Variants in KCNH4 observed in about 807,000 individuals in gnomAD.
KCNH4 encodes the protein voltage-gated delayed rectifier potassium channel KCNH4.
A neutral mutation model predicts 90.7 loss-of-function variants in KCNH4; 33 were observed. The ratio of observed to expected loss-of-function variants is 0.36; its 90% CI spans 0.28 to 0.49. KCNH4 has a LOEUF of 0.49. KCNH4 is among the 20% of genes least tolerant of loss of function. The pLI is 0.98. For missense variants in KCNH4, 1,044 were observed against 1,387.1 expected (o/e 0.75, Z 3.93); for synonymous variants, 551 against 581.7 (o/e 0.95, Z 0.76).
chr17:42,160,847 C>A (rs1391889729), intron 15 of KCNH4, among the ~76,000 whole-genome samples: 2 of 152,048 alleles, frequency 1.3e-5, no homozygotes, highest in Non-Finnish European at 2.9e-5. Context: ...GGGCTCCGCC[C>A]CAGACATTCC....
At chr17:42,158,943 C>T (rs1438228888) in intron 16 of KCNH4, among the ~76,000 whole-genome samples, 21 of 152,016 alleles carry the variant, frequency 1.4e-4, no homozygotes, top group Non-Finnish European at 1.5e-5. Flanking sequence ...CTCGGCCTCC[C>T]AAAGGGCTGG....
chr17:42,160,657 G>A (rs191657650), intron 15 of KCNH4, among the ~76,000 whole-genome samples: 4 of 152,084 alleles, frequency 2.6e-5, no homozygotes, highest in African/African-American at 9.7e-5. Flanking sequence ...ACACACACAC[G>A]CGCGCGCGAG....
rs985286769 is a variant in KCNH4, at chr17:42,172,035, C to T, written c.988-40G>A. 3.3e-6 allele frequency: 5 copies of T among 1,526,670 alleles called. No individual in the cohort carries two copies. The African/African-American group carries it at 6.9e-5, about 21-fold the overall frequency. The allele number at this position is 1,526,670 out of a possible 1,614,324, so 94.6% of individuals were successfully genotyped here. A position where few individuals can be genotyped will look rare whatever the true frequency, so the allele number is the denominator to read the frequency against. On this transcript the variant is annotated intron_variant, in intron 6 of 16. Transcript: ENST00000264661. Reference sequence around the variant, plus strand: ...CGGGGGAGGCTGTCAGCAGGCACACCTCCTCCGAGCCCTCAGAGTCCCCTC... The same window carrying T: ...CGGGGGAGGCTGTCAGCAGGCACACTTCCTCCGAGCCCTCAGAGTCCCCTC...
At chr17:42,175,793 C>T in intron 5 of KCNH4, 57 bp from the exon 6 acceptor site, 1 of 1,596,864 alleles carries the variant, frequency 6.3e-7, no homozygotes, top group Non-Finnish European at 8.6e-7. Flanking sequence ...AAGAAACCGA[C>T]AAAGCTGGGA....
Position 42,162,228 on chromosome 17 carries a change from C to T in KCNH4, c.2658+20G>A. The T allele has an allele frequency of 6.2e-7, 1 of 1,612,392 alleles. No individual in the cohort carries two copies. Among genetic ancestry groups the T allele is most frequent in the African/African-American group, 1.3e-5 (1 of 74,962 alleles). On this transcript the variant is annotated intron_variant, in intron 15 of 16. Coordinates refer to ENST00000264661, the MANE Select transcript of KCNH4 (RefSeq NM_012285.3). ...AAATGCTGTTATATCAGGCACGTCTCTGAGCCAGCCCCAACCCACCTCCTG... is the reference window on the plus strand; with the variant it reads ...AAATGCTGTTATATCAGGCACGTCTTTGAGCCAGCCCCAACCCACCTCCTG...
intron 5 of KCNH4, 34 bp downstream of exon 5, chr17:42,176,020 G>T: frequency 6.4e-7 from 1 of 1,563,836 alleles, no homozygotes; most frequent in South Asian, 1.2e-5. Context: ...CCCCCCAGCC[G>T]ACCCACCAGG....
rs1489621432 is a variant in KCNH4 at position 42,178,357 on chromosome 17, T to C, written c.431A>G (p.Gln144Arg). ...GTGATTACTGTCCCCGCGGCCTCCT[T>C]GGGGGCCAAGTCCTGGGCTTCCACT... ...TQSGSPGLGP[Q>R]GGRGDSNHEN... Residue 144 changes from glutamine to arginine, a missense_variant, in exon 3 of 17, where the codon CAA (glutamine) becomes CGA (arginine). Gln to Arg is a conservative substitution (Grantham distance 43, BLOSUM62 1). Around this residue, in one of 4 missense-constraint regions of KCNH4, gnomAD observed 283 missense variants for 378.6 expected, o/e 0.75. Transcript: ENST00000264661. 13 of 1,614,212 alleles carry C rather than the reference T, an allele frequency of 8.1e-6. No individual in the cohort carries two copies. Among genetic ancestry groups the C allele is most frequent in the Admixed American group, 1.7e-5 (1 of 60,018 alleles).
intron 14 of KCNH4, 40 bp from the exon 15 acceptor site, chr17:42,162,361 A>G: frequency 6.4e-7 from 1 of 1,560,862 alleles, no homozygotes. Context: ...ATGGAGCATT[A>G]ATACCTGAGC....
chr17:42,172,439 T>C, intron 6 of KCNH4, among the ~76,000 whole-genome samples: 1 of 151,860 alleles, frequency 6.6e-6, no homozygotes, highest in East Asian at 1.9e-4. Context: ...CCCAAAGTGC[T>C]GGGATTACAA....
chr17:42,165,752 G>A, intron 10 of KCNH4, 59 bp from the exon 11 acceptor site: 1 of 1,599,518 alleles, frequency 6.3e-7, no homozygotes, highest in Non-Finnish European at 8.6e-7. Flanking sequence ...GATATCAGCT[G>A]GAGGTGCTCA....
At chr17:42,160,920 C>CTTTTTTTTTTTTTTTTT (rs57677761) in intron 15 of KCNH4, among the ~76,000 whole-genome samples, 2 of 73,416 alleles carry the variant, frequency 2.7e-5, no homozygotes, top group African/African-American at 5.6e-5. Flanking sequence ...TTTTCTTTTT[C>CTTTTTTTTTTTTTTTTT]TTTTTTTTTT....
rs2079768338 is a variant in KCNH4 at position 42,163,974 on chromosome 17, G to T, written c.2125-16C>A. On this transcript the variant is annotated splice_polypyrimidine_tract_variant and intron_variant, in intron 12 of 16. Transcript: ENST00000264661. The surrounding 1 kb of genome is among the most constrained non-coding windows in gnomAD (Gnocchi z 5.4). ...CTGAGCGGGGCTGCGGGCAGAGGGG[G>T]CAGCTGATGTCGCAGGACAGTGAAC... The T allele has an allele frequency of 1.3e-6, 2 of 1,521,478 alleles. No individual in the cohort carries two copies. Among genetic ancestry groups the T allele is most frequent in the African/African-American group, 1.4e-5 (1 of 72,060 alleles). The allele number at this position is 1,521,478 out of a possible 1,614,324, so 94.2% of individuals were successfully genotyped here. A position where few individuals can be genotyped will look rare whatever the true frequency, so the allele number is the denominator to read the frequency against.
rs1449737708 is a variant in KCNH4, at chr17:42,178,822, C to T, written c.281G>A (p.Arg94Gln). ...CTTGCGGTAGAAGCAGATTTCAGCC[C>T]GGTGCTCCTGGTGGCCCTCCAGGGC... The part of the protein sequence containing the change: ...HKALEGHQEH[R>Q]AEICFYRKDG... Residue 94 changes from arginine (R) to glutamine (Q), a missense_variant, in exon 2 of 17, where the codon CGG (arginine) becomes CAG (glutamine). By Grantham distance (43) the Arg-to-Gln change is conservative. Transcript: ENST00000264661. 12 of 1,613,874 alleles carry T rather than the reference C, an allele frequency of 7.4e-6. No homozygotes were observed. The highest frequency in any genetic ancestry group is 1.0e-5 in the Non-Finnish European group (12 of 1,179,976).
At position 42,163,237 on chromosome 17, in the gene KCNH4, G is replaced by T. The variant is rs1477898165; in HGVS notation, c.2575C>A (p.Pro859Thr). The change falls in exon 14 of 17, where the codon CCC becomes ACC. Residue 859 changes from proline (P) to threonine (T), a missense_variant. Transcript: ENST00000264661. The surrounding 1 kb of genome is among the most constrained non-coding windows in gnomAD (Gnocchi z 5.4). ...PELPRPRSQA[P>T]PTGTRPSPEL... ...CACTGTTGGCCCTTACCTGTAGGGG[G>T]CGCCTGGGAGCGGGGCCTTGGCAGT... The T allele has an allele frequency of 1.9e-6, 3 of 1,612,590 alleles. No homozygotes were observed. The South Asian group carries it at 3.3e-5, about 18-fold the overall frequency.
At chr17:42,157,623 G>C (rs1263928077) in intron 16 of KCNH4, among the ~76,000 whole-genome samples, 2 of 152,018 alleles carry the variant, frequency 1.3e-5, no homozygotes, top group African/African-American at 4.8e-5. Flanking sequence ...GTTTTGTTTT[G>C]TTTGAGCAGG....
Position 42,178,815 on chromosome 17 carries a change from T to C in KCNH4, c.288A>G (p.Glu96=). 1 of 1,613,770 alleles carries C rather than the reference T, an allele frequency of 6.2e-7. No individual in the cohort carries two copies. Among genetic ancestry groups the C allele is most frequent in the South Asian group, 1.1e-5 (1 of 91,072 alleles). The change falls in exon 2 of 17, where the codon GAA becomes GAG. Residue 96 remains glutamate, a synonymous_variant. Transcript: ENST00000264661. ...ALEGHQEHRA[E]ICFYRKDGSA... is the part of the protein sequence containing the mutation. ...CACCATCCTTGCGGTAGAAGCAGAT[T>C]TCAGCCCGGTGCTCCTGGTGGCCCT...
intron 15 of KCNH4, among the ~76,000 whole-genome samples, chr17:42,161,393 T>A (rs1370923023): frequency 6.6e-6 from 1 of 152,214 alleles, no homozygotes; most frequent in Non-Finnish European, 1.5e-5. Flanking sequence ...GGATGCCCGA[T>A]GTTTATCAGA....
intron 12 of KCNH4, 85 bp downstream of exon 12, chr17:42,164,045 T>G (rs2144122812): frequency 1.3e-6 from 2 of 1,501,132 alleles, no homozygotes; most frequent in East Asian, 4.9e-5. Flanking sequence ...CGGATGCAGC[T>G]CCCCATCCAT....
chr17:42,169,646 A>G lies in KCNH4; in HGVS notation c.1421T>C (p.Val474Ala). The G allele has an allele frequency of 6.2e-7, 1 of 1,613,968 alleles. No homozygotes were observed. The highest frequency in any genetic ancestry group is 1.1e-5 in the South Asian group (1 of 91,082). ...ALMHAVVFGN[V>A]TAIIQRMYSR... is the part of the protein sequence containing the mutation. ...GTACATGCGCTGGATGATGGCTGTCACGTTCCCGAACACCACAGCGTGCAT... is the reference window on the plus strand; with the variant it reads ...GTACATGCGCTGGATGATGGCTGTCGCGTTCCCGAACACCACAGCGTGCAT... Residue 474 changes from valine to alanine, a missense_variant, in exon 9 of 17, where the codon GTG (valine) becomes GCG (alanine). This residue lies in a region of KCNH4 where 318 missense variants were observed against 479.6 expected (regional missense o/e 0.66). Transcript: ENST00000264661.
Sources: allele counts gnomAD v4.1 joint callset (sites outside exome capture counted in the v4.1 genomes callset), GRCh38; gene constraint gnomAD v4.1.1; regional missense constraint gnomAD v4.1.1; non-coding constraint Gnocchi (gnomAD v3.1); transcripts MANE v1.5; gene names NCBI Gene and HGNC (gene_info 2026-07-23, HGNC 2026-07-21).